Variants in ANKRD42 observed in about 807,000 individuals in gnomAD.
The protein encoded by ANKRD42 is ankyrin repeat domain 42, also known as ankyrin repeat domain-containing protein 42.
Under a neutral mutation model 51.5 loss-of-function variants are expected in ANKRD42, and 43 were observed. The ratio of observed to expected loss-of-function variants is 0.83; its 90% CI spans 0.65 to 1.08. The LOEUF is 1.08. Among genes scored for constraint, ANKRD42 ranks in the 50% least tolerant of loss-of-function variants. The pLI, the probability that ANKRD42 is intolerant of heterozygous loss-of-function variation, is 0.00. For synonymous variants in ANKRD42, 203 were observed against 213.0 expected (o/e 0.95, Z 0.41); for missense variants, 608 against 629.3 (o/e 0.97, Z 0.36).
At chr11:83,241,402 TA>T (rs1863383650) in intron 9 of ANKRD42, among the ~76,000 whole-genome samples, 1 of 152,048 alleles carries the variant, frequency 6.6e-6, no homozygotes, top group Non-Finnish European at 1.5e-5. Flanking sequence ...AGAAAATAGA[TA>T]TATAAAGTAA....
intron 8 of ANKRD42, among the ~76,000 whole-genome samples, chr11:83,238,738 G>A (rs1863296882): frequency 6.6e-6 from 1 of 152,036 alleles, no homozygotes; most frequent in Non-Finnish European, 1.5e-5. Context: ...GTTGAGGCAG[G>A]AGAATTCCTT....
chr11:83,236,511 T>C lies in ANKRD42; in HGVS notation c.1019+2T>C. On this transcript the variant is annotated splice_donor_variant, in intron 8 of 10. Coordinates refer to ENST00000533342, the MANE Select transcript of ANKRD42 (RefSeq NM_001300975.2). LOFTEE classifies it high-confidence loss of function. ...GAGACCCAGTGATGTGGCAAAGAGG[T>C]ATAAATCTCTGTCTTCTTTACTCCT... is the stretch of plus-strand genomic sequence containing the variant. 6.2e-7 allele frequency: 1 copy of C among 1,600,692 alleles called. No homozygotes were observed. The highest frequency in any genetic ancestry group is 8.5e-7 in the Non-Finnish European group (1 of 1,173,242).
chr11:83,251,066 T>C (rs1392894852), downstream of ANKRD42, among the ~76,000 whole-genome samples: 2 of 152,212 alleles, frequency 1.3e-5, no homozygotes, highest in Non-Finnish European at 2.9e-5. Flanking sequence ...TTAACCTACC[T>C]CACCAACTTT....
chr11:83,202,172 A>C (rs1861897835), intron 2 of ANKRD42, among the ~76,000 whole-genome samples: 1 of 152,182 alleles, frequency 6.6e-6, no homozygotes, highest in South Asian at 2.1e-4. Context: ...TTTTTATATA[A>C]GGCTTAAGAA....
chr11:83,249,074 AG>A (rs1863628733), downstream of ANKRD42: 2 of 801,978 alleles, frequency 2.5e-6, no homozygotes, highest in Non-Finnish European at 3.0e-6. Context: ...TGTTGGTTAG[AG>A]GGCTAGAGGA....
downstream of ANKRD42, chr11:83,261,891 C>T: frequency 1.3e-6 from 2 of 1,579,938 alleles, no homozygotes; most frequent in South Asian, 1.2e-5. Flanking sequence ...CCAACAGCCA[C>T]AGCAGGATGA....
chr11:83,205,593 C>G (rs112721708), intron 2 of ANKRD42, among the ~76,000 whole-genome samples: 2 of 151,710 alleles, frequency 1.3e-5, no homozygotes, highest in African/African-American at 4.8e-5. Flanking sequence ...TTAAATAAAC[C>G]ATTTATTTTT....
At position 83,245,391 on chromosome 11, in the gene ANKRD42, A is replaced by T. The variant is rs147260922; in HGVS notation, c.1196-107A>T. On this transcript the variant is annotated intron_variant, in intron 9 of 10. Transcript: ENST00000533342. ...CTTCCTCCACCCCCCTCTCCAAACC[A>T]TACAGACACTAGTCTAGAGGAAGAA... The T allele has an allele frequency of 6.2e-3, 7,762 of 1,245,482 alleles. 43 individuals carry two copies. Among genetic ancestry groups the T allele is most frequent in the Non-Finnish European group, 7.8e-3 (7,193 of 920,020 alleles). 77.2% of individuals were successfully genotyped at this position (1,245,482 alleles called of 1,614,324 possible).
chr11:83,219,787 C>T (rs1398976404), intron 5 of ANKRD42, among the ~76,000 whole-genome samples: 1 of 152,178 alleles, frequency 6.6e-6, no homozygotes, highest in African/African-American at 2.4e-5. Context: ...TTCTACTATC[C>T]ACATGAAAAT....
chr11:83,248,805 A>T lies in ANKRD42; in HGVS notation c.*601A>T, dbSNP rs930534698. 13 of 972,152 alleles carry T rather than the reference A, an allele frequency of 1.3e-5. No homozygotes were observed. The African/African-American group carries it at 2.3e-4, about 17-fold the overall frequency. The allele number at this position is 972,152 out of a possible 1,614,324, so 60.2% of individuals were successfully genotyped here. On this transcript the variant is annotated 3_prime_UTR_variant, in exon 11 of 11. Coordinates refer to ENST00000533342, the MANE Select transcript of ANKRD42 (RefSeq NM_001300975.2). ...TAAGTTCCACTCTCCAGAGGAAGCT[A>T]TTGTTAACAATTTAGTACATACCAT... is the stretch of plus-strand genomic sequence containing the variant.
intron 5 of ANKRD42, chr11:83,214,874 T>C (rs1027043701): frequency 1.3e-5 from 2 of 152,454 alleles, no homozygotes; most frequent in African/African-American, 4.8e-5. Context: ...CTGTTCTTGC[T>C]CTCTCCGTGC....
chr11:83,230,028 G>T (rs1863019354), intron 7 of ANKRD42, among the ~76,000 whole-genome samples: 1 of 152,080 alleles, frequency 6.6e-6, no homozygotes, highest in Non-Finnish European at 1.5e-5. Context: ...ATTTAAAAAT[G>T]TACAATTAAG....
At chr11:83,244,784 G>C (rs941075176) in intron 9 of ANKRD42, among the ~76,000 whole-genome samples, 1 of 152,226 alleles carries the variant, frequency 6.6e-6, no homozygotes, top group Non-Finnish European at 1.5e-5. Flanking sequence ...GGTACTACAA[G>C]TGACCAATCA....
chr11:83,231,793 C>T (rs914633548), intron 7 of ANKRD42, among the ~76,000 whole-genome samples: 1 of 152,132 alleles, frequency 6.6e-6, no homozygotes, highest in Admixed American at 6.6e-5. Context: ...TTTTCCAGCA[C>T]CATTTATTGA....
Position 83,211,325 on chromosome 11 carries a change from A to G in ANKRD42, c.481A>G (p.Arg161Gly). ...CAGTGTGACTGATAAGAGAGAATGG[A>G]GACCTGTGCATTATGCAGCTTTTCA... ...DPSVTDKREWRPVHYAAFHGR... is the reference protein window; with the variant it reads ...DPSVTDKREWGPVHYAAFHGR... Residue 161 changes from arginine (R) to glycine (G), a missense_variant, in exon 5 of 11, where the codon AGA (arginine) becomes GGA (glycine). Transcript: ENST00000533342. 1 of 1,614,208 alleles carries G rather than the reference A, an allele frequency of 6.2e-7. No homozygotes were observed. Among genetic ancestry groups the G allele is most frequent in the Non-Finnish European group, 8.5e-7 (1 of 1,180,036 alleles).
At chr11:83,233,840 G>A (rs1003682956) in intron 7 of ANKRD42, among the ~76,000 whole-genome samples, 15 of 152,098 alleles carry the variant, frequency 9.9e-5, no homozygotes, top group Non-Finnish European at 1.0e-4. Flanking sequence ...GTGCCATCAT[G>A]CCCAACTGAT....
chr11:83,225,783 A>G (rs1160083513), intron 6 of ANKRD42, among the ~76,000 whole-genome samples: 1 of 13,320 alleles, frequency 7.5e-5, no homozygotes, highest in Non-Finnish European at 1.3e-4. Flanking sequence ...TCCATCCTGG[A>G]AAAAAAAAAA....
intron 5 of ANKRD42, among the ~76,000 whole-genome samples, chr11:83,218,858 A>G (rs986044509): frequency 8.5e-5 from 13 of 152,196 alleles, no homozygotes; most frequent in African/African-American, 3.1e-4. Context: ...GCCTGTACAT[A>G]AGGGACTTCA....
intron 6 of ANKRD42, among the ~76,000 whole-genome samples, chr11:83,225,384 T>C (rs1166276667): frequency 1.3e-5 from 2 of 151,808 alleles, no homozygotes; most frequent in African/African-American, 2.4e-5. Context: ...TTGGGAAATA[T>C]AGTAAAACCC....
Sources: gnomAD v4.1 joint callset for allele counts (sites outside exome capture counted in the v4.1 genomes callset) on GRCh38, gnomAD v4.1.1 for gene constraint, MANE v1.5 for transcripts, NCBI Gene and HGNC (gene_info 2026-07-23, HGNC 2026-07-21) for gene names.